PCSK6: variants seen among roughly 807,000 people sequenced by gnomAD.
The protein encoded by PCSK6 is paired basic amino acid cleaving enzyme 4.
A neutral mutation model predicts 123.3 loss-of-function variants in PCSK6; 85 were observed. That is an observed-to-expected ratio of 0.69 (90% CI 0.58 to 0.83). PCSK6 has a LOEUF of 0.83. Ranked by LOEUF, PCSK6 falls within the 40% of genes least tolerant of loss-of-function variation. The pLI is 0.00. For missense variants in PCSK6, 1,191 were observed against 1,282.3 expected, an observed-to-expected ratio of 0.93 and a Z score of 1.09; for synonymous variants, 508 against 516.0, an observed-to-expected ratio of 0.98 and a Z score of 0.21.
At chr15:101,319,759 T>TAGCCC (rs922774215) in intron 18 of PCSK6, among the ~76,000 whole-genome samples, 17 of 152,098 alleles carry the variant, frequency 1.1e-4, no homozygotes, top group African/African-American at 3.9e-4. Context: ...CCTGGGAGGG[T>TAGCCC]AGCCCAGCCC....
chr15:101,384,021 C>T, intron 10 of PCSK6: 1 of 782,078 alleles, frequency 1.3e-6, no homozygotes, highest in Non-Finnish European at 1.6e-6. Context: ...AGGCACACGT[C>T]ATTGCTCCTG....
chr15:101,434,186 T>C (rs2056530081), intron 2 of PCSK6, among the ~76,000 whole-genome samples: 1 of 152,204 alleles, frequency 6.6e-6, no homozygotes, highest in African/African-American at 2.4e-5. Flanking sequence ...CAATATTTCA[T>C]AATCTGTTCA....
At chr15:101,395,693 T>G (rs904827563) in intron 7 of PCSK6, among the ~76,000 whole-genome samples, 1 of 152,176 alleles carries the variant, frequency 6.6e-6, no homozygotes, top group Non-Finnish European at 1.5e-5. Flanking sequence ...TGCACTTCTT[T>G]TCAGTAAACT....
intron 2 of PCSK6, among the ~76,000 whole-genome samples, chr15:101,435,876 G>A (rs1396128757): frequency 6.6e-6 from 1 of 152,186 alleles, no homozygotes; most frequent in Non-Finnish European, 1.5e-5. Flanking sequence ...TTGCCATGCT[G>A]CAGGCTGTCC....
At chr15:101,376,876 C>A (rs761659447) in intron 11 of PCSK6, among the ~76,000 whole-genome samples, 1 of 152,160 alleles carries the variant, frequency 6.6e-6, no homozygotes, top group South Asian at 2.1e-4. Flanking sequence ...CTCTGTATAA[C>A]AACAGCCCAA....
At chr15:101,407,738 C>A (rs999885943) in intron 6 of PCSK6, among the ~76,000 whole-genome samples, 6 of 152,238 alleles carry the variant, frequency 3.9e-5, no homozygotes, top group Non-Finnish European at 8.8e-5. Flanking sequence ...TGCCTCCTGA[C>A]AGAACCCGCT....
At chr15:101,469,534 A>T (rs1199879456) in intron 1 of PCSK6, among the ~76,000 whole-genome samples, 1 of 152,200 alleles carries the variant, frequency 6.6e-6, no homozygotes, top group Admixed American at 6.5e-5. Context: ...ATCCTTAGTT[A>T]ATTAATTTCA....
At chr15:101,465,981 A>G (rs1454037156) in intron 1 of PCSK6, among the ~76,000 whole-genome samples, 2 of 152,154 alleles carry the variant, frequency 1.3e-5, no homozygotes, top group East Asian at 3.9e-4. Flanking sequence ...GTAGATACTG[A>G]TCCAACAACG....
intron 2 of PCSK6, among the ~76,000 whole-genome samples, chr15:101,434,543 A>C (rs1029750477): frequency 1.3e-5 from 2 of 152,224 alleles, no homozygotes; most frequent in Non-Finnish European, 2.9e-5. Flanking sequence ...AAAACCCCAC[A>C]ACACTGGCAC....
intron 1 of PCSK6, among the ~76,000 whole-genome samples, chr15:101,460,079 C>T (rs983088449): frequency 6.6e-6 from 1 of 152,136 alleles, no homozygotes; most frequent in African/African-American, 2.4e-5. Context: ...CCCACACAGC[C>T]ACATGGCCAC....
intron 6 of PCSK6, among the ~76,000 whole-genome samples, chr15:101,415,379 A>C (rs939096284): frequency 1.3e-5 from 2 of 152,242 alleles, no homozygotes; most frequent in Non-Finnish European, 2.9e-5. Context: ...GACTGTTGCC[A>C]TTAAGGAATG....
At chr15:101,443,262 T>G (rs2056802085) in intron 2 of PCSK6, among the ~76,000 whole-genome samples, 1 of 152,222 alleles carries the variant, frequency 6.6e-6, no homozygotes, top group Non-Finnish European at 1.5e-5. Flanking sequence ...GATCTCTAAT[T>G]TCATTATTAA....
At chr15:101,368,549 G>A (rs553197444) in intron 12 of PCSK6, among the ~76,000 whole-genome samples, 17 of 152,164 alleles carry the variant, frequency 1.1e-4, no homozygotes, top group Non-Finnish European at 1.3e-4. Flanking sequence ...ACTGCCACCC[G>A]CCTGCCTGCT....
chr15:101,461,624 C>G (rs757628650), intron 1 of PCSK6, among the ~76,000 whole-genome samples: 1 of 151,628 alleles, frequency 6.6e-6, no homozygotes, highest in Admixed American at 6.6e-5. Context: ...AATTCAGCAA[C>G]GAGGAAGAAA....
intron 6 of PCSK6, among the ~76,000 whole-genome samples, chr15:101,418,186 G>A (rs1210401295): frequency 1.3e-5 from 2 of 152,054 alleles, no homozygotes; most frequent in Non-Finnish European, 2.9e-5. Flanking sequence ...ACCTGAATAG[G>A]TCTAGTCCTT....
chr15:101,389,154 C>T (rs1394367360), intron 9 of PCSK6, among the ~76,000 whole-genome samples: 1 of 152,218 alleles, frequency 6.6e-6, no homozygotes, highest in Non-Finnish European at 1.5e-5. Context: ...ACACCTTGAT[C>T]CAGGAATTCC....
chr15:101,446,171 C>T (rs756979471), intron 1 of PCSK6, among the ~76,000 whole-genome samples: 1 of 152,278 alleles, frequency 6.6e-6, no homozygotes, highest in Non-Finnish European at 1.5e-5. Context: ...GGGAGGGACG[C>T]TCCCACTGCA....
intron 5 of PCSK6, among the ~76,000 whole-genome samples, chr15:101,428,611 A>G (rs2056340466): frequency 1.3e-5 from 2 of 152,194 alleles, no homozygotes; most frequent in Non-Finnish European, 2.9e-5. Context: ...CTCAGTAATG[A>G]CCCCATTCTC....
At position 101,463,199 on chromosome 15, in the gene PCSK6, G is replaced by A. The variant is rs73483183; in HGVS notation, c.298-19539C>T. ...CTTCTGGTTGGCTCCTTTGCCCTCT[G>A]ACTGTGGGTCGGTTTTGGAAACAGA... On this transcript the variant is annotated intron_variant, in intron 1 of 21. Coordinates refer to ENST00000611716, the MANE Select transcript of PCSK6 (RefSeq NM_002570.5). The A allele has an allele frequency of 1.5e-3, 660 of 440,498 alleles. 7 individuals carry two copies. Among genetic ancestry groups the A allele is most frequent in the African/African-American group, 0.011 (565 of 49,412 alleles). The allele number at this position is 440,498 out of a possible 1,614,324, so 27.3% of individuals were successfully genotyped here.
Sources: allele counts gnomAD v4.1 joint callset (sites outside exome capture counted in the v4.1 genomes callset), GRCh38; gene constraint gnomAD v4.1.1; transcripts MANE v1.5; gene names NCBI Gene and HGNC (gene_info 2026-07-23, HGNC 2026-07-21).